LEKR1: variants seen among roughly 807,000 people sequenced by gnomAD.
LEKR1 encodes the protein leucine, glutamate and lysine rich 1, also known as protein LEKR1.
Under a neutral mutation model 72.4 loss-of-function variants are expected in LEKR1, and 59 were observed. The observed-to-expected ratio is 0.82, with a 90% CI of 0.66 to 1.01. LEKR1 has a LOEUF of 1.01. LEKR1 is among the 50% of genes least tolerant of loss of function. LEKR1 has a pLI of 0.00. For synonymous variants in LEKR1, 257 were observed against 263.2 expected, an observed-to-expected ratio of 0.98 and a Z score of 0.23; for missense variants, 728 against 759.2, an observed-to-expected ratio of 0.96 and a Z score of 0.48.
intron 3 of LEKR1, among the ~76,000 whole-genome samples, chr3:156,882,457 A>T (rs1576732771): frequency 6.6e-6 from 1 of 152,218 alleles, no homozygotes; most frequent in Non-Finnish European, 1.5e-5. Flanking sequence ...TTGAGATACC[A>T]TCTCACACCA....
chr3:157,016,804 G>C (rs1733379747), intron 10 of LEKR1, among the ~76,000 whole-genome samples: 1 of 152,092 alleles, frequency 6.6e-6, no homozygotes, highest in Non-Finnish European at 1.5e-5. Flanking sequence ...ATATATTACT[G>C]TGAGATTCTT....
intron 3 of LEKR1, among the ~76,000 whole-genome samples, chr3:156,874,872 C>A (rs754669640): frequency 1.3e-5 from 2 of 152,102 alleles, no homozygotes; most frequent in African/African-American, 2.4e-5. Flanking sequence ...TATTTTATTC[C>A]TTTTTATGGC....
intron 3 of LEKR1, among the ~76,000 whole-genome samples, chr3:156,864,428 T>C (rs1717092579): frequency 6.6e-6 from 1 of 152,042 alleles, no homozygotes; most frequent in South Asian, 2.1e-4. Context: ...CTTTTCTTTC[T>C]CTACAAACTC....
rs751272270 is a variant in LEKR1, at chr3:157,028,390, G to GTC, written c.1657_1658dup (p.Gln554ProfsTer22). The GTC allele has an allele frequency of 8.2e-6, 13 of 1,591,676 alleles. No homozygotes were observed. In the Middle Eastern group the frequency reaches 5.0e-4, roughly 62 times the overall value. ...CACAACTGATAGAGCAATTTAACCA[G>GTC]TCCCAGGAAGAGGTAGGAAGCAGAT... On this transcript the variant is annotated frameshift_variant, in exon 12 of 13. Coordinates refer to ENST00000356539, the MANE Select transcript of LEKR1 (RefSeq NM_001004316.3). LOFTEE classifies it low-confidence loss of function (END_TRUNC).
chr3:157,013,296 G>C (rs1488013957), intron 10 of LEKR1, among the ~76,000 whole-genome samples: 2 of 151,954 alleles, frequency 1.3e-5, no homozygotes, highest in African/African-American at 4.8e-5. Context: ...ACCCCACTAG[G>C]GGTTTTCAGA....
At chr3:156,860,961 CAG>C (rs1404905624) in intron 3 of LEKR1, among the ~76,000 whole-genome samples, 1 of 152,106 alleles carries the variant, frequency 6.6e-6, no homozygotes, top group Non-Finnish European at 1.5e-5. Context: ...GGGAAGCAGT[CAG>C]GGGAAATGCT....
intron 6 of LEKR1, among the ~76,000 whole-genome samples, chr3:156,975,204 C>T (rs1729584690): frequency 6.6e-6 from 1 of 152,102 alleles, no homozygotes; most frequent in African/African-American, 2.4e-5. Flanking sequence ...TGCATGACAC[C>T]TTTAAACTAT....
At chr3:156,833,307 A>C (rs1712678240) in intron 2 of LEKR1, among the ~76,000 whole-genome samples, 2 of 152,290 alleles carry the variant, frequency 1.3e-5, no homozygotes, top group South Asian at 4.1e-4. Context: ...GATATCAGAA[A>C]TCTGCATTCA....
intron 12 of LEKR1, among the ~76,000 whole-genome samples, chr3:157,040,407 A>T (rs1351487217): frequency 6.6e-6 from 1 of 152,080 alleles, no homozygotes; most frequent in East Asian, 1.9e-4. Context: ...GTAAGCAGGG[A>T]AATATAATTT....
At chr3:156,911,715 G>A (rs1300398577) in intron 3 of LEKR1, among the ~76,000 whole-genome samples, 1 of 151,972 alleles carries the variant, frequency 6.6e-6, no homozygotes, top group African/African-American at 2.4e-5. Flanking sequence ...TCTTTCTTCT[G>A]TATATGGCTA....
chr3:156,846,436 A>C (rs909041849), intron 2 of LEKR1, among the ~76,000 whole-genome samples: 1 of 151,350 alleles, frequency 6.6e-6, no homozygotes, highest in African/African-American at 2.4e-5. Context: ...TACTAATTAT[A>C]ATAAAGCTGT....
intron 12 of LEKR1, among the ~76,000 whole-genome samples, chr3:157,032,644 AG>A (rs1734695814): frequency 6.6e-6 from 1 of 152,224 alleles, no homozygotes; most frequent in African/African-American, 2.4e-5. Flanking sequence ...CTTATCATAT[AG>A]AATACTGAAA....
intron 10 of LEKR1, among the ~76,000 whole-genome samples, chr3:157,021,918 T>C (rs990296589): frequency 2.6e-5 from 4 of 152,166 alleles, no homozygotes; most frequent in African/African-American, 4.8e-5. Context: ...TTAACTTTTA[T>C]ATTAATATTA....
At chr3:156,898,680 A>G (rs1404801557) in intron 3 of LEKR1, among the ~76,000 whole-genome samples, 1 of 152,170 alleles carries the variant, frequency 6.6e-6, no homozygotes, top group Non-Finnish European at 1.5e-5. Flanking sequence ...AAAACCCAAA[A>G]CTATTATTTC....
chr3:156,989,674 C>T (rs902072070), intron 7 of LEKR1, among the ~76,000 whole-genome samples: 1 of 152,090 alleles, frequency 6.6e-6, no homozygotes, highest in African/African-American at 2.4e-5. Context: ...TTCAAACTTA[C>T]AAAAAGTTGT....
chr3:156,923,990 G>A (rs1724465869), intron 4 of LEKR1, among the ~76,000 whole-genome samples: 1 of 152,194 alleles, frequency 6.6e-6, no homozygotes, highest in Admixed American at 6.5e-5. Flanking sequence ...GCCTCCCAAA[G>A]TGCTGGGATT....
At chr3:157,003,012 C>T (rs971999716) in intron 9 of LEKR1, among the ~76,000 whole-genome samples, 1 of 152,146 alleles carries the variant, frequency 6.6e-6, no homozygotes, top group Non-Finnish European at 1.5e-5. Context: ...TCAAGCATCT[C>T]AAATATTCAG....
At chr3:156,867,656 T>A (rs1419657323) in intron 3 of LEKR1, among the ~76,000 whole-genome samples, 4 of 152,090 alleles carry the variant, frequency 2.6e-5, no homozygotes, top group African/African-American at 9.7e-5. Flanking sequence ...GCACTTATAT[T>A]TTTAAACATG....
At chr3:156,905,400 G>C (rs1722433810) in intron 3 of LEKR1, among the ~76,000 whole-genome samples, 1 of 152,004 alleles carries the variant, frequency 6.6e-6, no homozygotes, top group South Asian at 2.1e-4. Flanking sequence ...GATATAAATG[G>C]GTGTCATGTT....
Sources: gnomAD v4.1 joint callset for allele counts (sites outside exome capture counted in the v4.1 genomes callset) on GRCh38, gnomAD v4.1.1 for gene constraint, MANE v1.5 for transcripts, NCBI Gene and HGNC (gene_info 2026-07-23, HGNC 2026-07-21) for gene names.